The following STON2 variants were observed in gnomAD, a reference collection of about 807,000 sequenced individuals.
STON2 encodes the protein stonin 2.
Under a neutral mutation model 65.7 loss-of-function variants are expected in STON2, and 29 were observed. The ratio of observed to expected loss-of-function variants is 0.44; its 90% CI spans 0.33 to 0.60. STON2 has a LOEUF of 0.60. Ranked by LOEUF, STON2 falls within the 20% of genes least tolerant of loss-of-function variation. The pLI, the probability that STON2 is intolerant of heterozygous loss-of-function variation, is 0.03. For missense variants in STON2, 1,054 were observed against 1,118.1 expected, an observed-to-expected ratio of 0.94 and a Z score of 0.82; for synonymous variants, 404 against 414.2, an observed-to-expected ratio of 0.98 and a Z score of 0.30.
intron 2 of STON2, among the ~76,000 whole-genome samples, chr14:81,410,297 A>C (rs1358704094): frequency 6.6e-6 from 1 of 150,924 alleles, no homozygotes; most frequent in Non-Finnish European, 1.5e-5. Context: ...AAAAAAAAAA[A>C]AAAAAAAAAA....
intron 2 of STON2, among the ~76,000 whole-genome samples, chr14:81,421,638 A>G (rs571663494): frequency 6.6e-6 from 1 of 152,322 alleles, no homozygotes; most frequent in South Asian, 2.1e-4. Flanking sequence ...TTGTGGAAGT[A>G]AAGATGCAGT....
In STON2 at chr14:81,276,888, A is replaced by AACC; in HGVS notation, c.2581+10_2581+12dup. 3 of 1,601,636 alleles carry AACC rather than the reference A, an allele frequency of 1.9e-6. No homozygotes were observed. The highest frequency in any genetic ancestry group is 2.6e-6 in the Non-Finnish European group (3 of 1,171,888). ...TGTATGTTTGTTTTCACAGAAGAGGAACCACCACCCACCTGAGTTTTTGTC... is the reference window on the plus strand; with the variant it reads ...TGTATGTTTGTTTTCACAGAAGAGGAACCACCACCACCCACCTGAGTTTTTGTC... On this transcript the variant is annotated intron_variant, in intron 6 of 7. Transcript: ENST00000614646.
chr14:81,333,589 C>T (rs79342893), intron 4 of STON2, among the ~76,000 whole-genome samples: 1,892 of 152,264 alleles, frequency 0.012, 37 homozygotes, highest in African/African-American at 0.043. Context: ...ACAGGACTAG[C>T]TGTTAACCGT....
At chr14:81,366,558 A>G (rs1898737000) in intron 4 of STON2, among the ~76,000 whole-genome samples, 1 of 151,734 alleles carries the variant, frequency 6.6e-6, no homozygotes, top group Admixed American at 6.6e-5. Context: ...CTGCAATGCT[A>G]AAGGGCACGG....
At chr14:81,275,799 G>A (rs183085666) in intron 6 of STON2, among the ~76,000 whole-genome samples, 33 of 152,160 alleles carry the variant, frequency 2.2e-4, no homozygotes, top group Non-Finnish European at 2.6e-4. Flanking sequence ...TACTGCCGTC[G>A]GCCGTCACAT....
intron 5 of STON2, among the ~76,000 whole-genome samples, chr14:81,309,239 GTAACAGT>G (rs1298978255): frequency 6.6e-6 from 1 of 151,838 alleles, no homozygotes; most frequent in East Asian, 1.9e-4. Context: ...TACTTGACAG[GTAACAGT>G]TATTGTTATT....
At position 81,383,945 on chromosome 14, in the gene STON2, C is replaced by G. The variant is rs370051232; in HGVS notation, c.373+11949G>C. On this transcript the variant is annotated intron_variant, in intron 3 of 7. Coordinates refer to ENST00000614646, the MANE Select transcript of STON2 (RefSeq NM_001394390.1). ...TGTCTGAGTCTCTGTAACGTTTCTGCCTCACCTCCTTGTCTTCTCTCCACA... is the reference window on the plus strand; with the variant it reads ...TGTCTGAGTCTCTGTAACGTTTCTGGCTCACCTCCTTGTCTTCTCTCCACA... Among the ~76,000 whole-genome samples the G allele has an allele frequency of 2.1e-3, 319 of 152,270 alleles. 8 individuals are homozygous for G. The South Asian group carries it at 0.042, about 20-fold the overall frequency.
intron 1 of STON2, among the ~76,000 whole-genome samples, chr14:81,400,048 A>G (rs1900527377): frequency 6.6e-6 from 1 of 152,224 alleles, no homozygotes; most frequent in African/African-American, 2.4e-5. Flanking sequence ...TACAGTACAT[A>G]TAGACTATCA....
intron 4 of STON2, among the ~76,000 whole-genome samples, chr14:81,347,633 A>AAC (rs1555401764): frequency 1.3e-5 from 2 of 150,288 alleles, no homozygotes; most frequent in Admixed American, 6.6e-5. Flanking sequence ...AAAAAAAAAA[A>AAC]AAAACCCTAC....
At chr14:81,429,733 A>G (rs1214859947) in intron 1 of STON2, among the ~76,000 whole-genome samples, 1 of 152,164 alleles carries the variant, frequency 6.6e-6, no homozygotes, top group Non-Finnish European at 1.5e-5. Context: ...CAGAAGTTCG[A>G]GACCAGCCTG....
chr14:81,263,972 T>C lies in STON2; in HGVS notation c.*4442A>G, dbSNP rs1235164855. On this transcript the variant is annotated 3_prime_UTR_variant, in exon 8 of 8. Coordinates refer to ENST00000614646, the MANE Select transcript of STON2 (RefSeq NM_001394390.1). ...CCTCCATCTTACTGTGGTGACAAAA[T>C]AAATGCAAAGTAACGGTCAGCGGTT... 25 of 985,306 alleles carry C rather than the reference T, an allele frequency of 2.5e-5. No homozygotes were observed. Among genetic ancestry groups the C allele is most frequent in the Non-Finnish European group, 2.9e-5 (24 of 829,934 alleles). 61.0% of individuals were successfully genotyped at this position (985,306 alleles called of 1,614,324 possible).
At chr14:81,332,911 CT>C in intron 4 of STON2, 1 of 275,692 alleles carries the variant, frequency 3.6e-6, no homozygotes. Flanking sequence ...ATTGCAACAC[CT>C]TTACCCCTTC....
At chr14:81,372,428 G>A (rs11847938) in intron 3 of STON2, among the ~76,000 whole-genome samples, 4,017 of 151,970 alleles carry the variant, frequency 0.026, 184 homozygotes, top group African/African-American at 0.092. Context: ...GGTGGCGGGC[G>A]CCTGTAATCC....
At chr14:81,269,268 A>G (rs557302883) in intron 7 of STON2, 1 of 965,784 alleles carries the variant, frequency 1.0e-6, no homozygotes, top group South Asian at 4.8e-5. Flanking sequence ...GGCCTCCCAA[A>G]GGTCTGGGAT....
At chr14:81,372,550 CA>C (rs202208931) in intron 3 of STON2, among the ~76,000 whole-genome samples, 1,060 of 95,846 alleles carry the variant, frequency 0.011, 12 homozygotes, top group African/African-American at 0.028. Flanking sequence ...AACCCTATCT[CA>C]AAAAAAAAAA....
At chr14:81,313,719 C>T (rs1472298826) in intron 5 of STON2, among the ~76,000 whole-genome samples, 1 of 150,980 alleles carries the variant, frequency 6.6e-6, no homozygotes, top group Non-Finnish European at 1.5e-5. Context: ...CGCTTGAACC[C>T]GGGAGGCAGA....
rs1411404325 is a variant in STON2 at position 81,277,388 on chromosome 14, C to T, written c.2094G>A (p.Lys698=). ...ACCCATGGAAACGGCACTCATGGAG[C>T]TTGATCCACTTTGTGGTGGTGGTGG... ...IMPTTTTKWI[K]LHECRFHGCV... is the part of the protein sequence containing the mutation. The change falls in exon 6 of 8, where the codon AAG becomes AAA. Residue 698 remains lysine (K), a synonymous_variant. Transcript: ENST00000614646. The T allele has an allele frequency of 6.2e-7, 1 of 1,614,184 alleles. No individual in the cohort carries two copies. The highest frequency in any genetic ancestry group is 1.7e-5 in the Admixed American group (1 of 60,032).
At chr14:81,282,227 T>A (rs1303278807) in intron 5 of STON2, among the ~76,000 whole-genome samples, 1 of 152,224 alleles carries the variant, frequency 6.6e-6, no homozygotes, top group Non-Finnish European at 1.5e-5. Context: ...ACCCTTAAAA[T>A]GAAATTCCAT....
intron 2 of STON2, among the ~76,000 whole-genome samples, chr14:81,421,229 A>C (rs118021241): frequency 6.6e-6 from 1 of 152,316 alleles, no homozygotes; most frequent in Non-Finnish European, 1.5e-5. Flanking sequence ...TACTGAGTCC[A>C]GAAGATGAAT....
Sources: allele counts gnomAD v4.1 joint callset (sites outside exome capture counted in the v4.1 genomes callset), GRCh38; gene constraint gnomAD v4.1.1; transcripts MANE v1.5; gene names NCBI Gene and HGNC (gene_info 2026-07-23, HGNC 2026-07-21).